DGKK: variants seen among roughly 807,000 people sequenced by gnomAD.
The protein encoded by DGKK is diacylglycerol kinase kappa.
Under a neutral mutation model 92.2 loss-of-function variants are expected in DGKK, and 35 were observed. The observed-to-expected ratio is 0.38, with a 90% CI of 0.29 to 0.50. The LOEUF is 0.50. Ranked by LOEUF, DGKK falls within the 20% of genes least tolerant of loss-of-function variation. The pLI is 0.92. For missense variants in DGKK, 910 were observed against 992.2 expected (o/e 0.92, Z 1.11); for synonymous variants, 368 against 360.6 (o/e 1.02, Z -0.23).
At chrX:50,391,706 T>G in intron 10 of DGKK, 130 bp from the exon 11 acceptor site, 1 of 747,338 alleles carries the variant, frequency 1.3e-6, no homozygotes, top group Non-Finnish European at 1.9e-6. Context: ...GACTTCAGAT[T>G]CTGGGGAAGG....
chrX:50,433,271 A>C (rs189922573), intron 1 of DGKK, among the ~76,000 whole-genome samples: 4 of 111,945 alleles, frequency 3.6e-5, no homozygotes, highest in Admixed American at 2.8e-4. Flanking sequence ...GTAATCTTAG[A>C]TCTCCCTGCC....
chrX:50,372,219 CTGTACA>C (rs1383930416), intron 25 of DGKK, among the ~76,000 whole-genome samples: 1 of 112,149 alleles, frequency 8.9e-6, no homozygotes, highest in Non-Finnish European at 1.9e-5. Flanking sequence ...ATGCCAAGCA[CTGTACA>C]TACATAATTT....
At chrX:50,417,981 T>C (rs1482296154) in intron 4 of DGKK, among the ~76,000 whole-genome samples, 2 of 111,585 alleles carry the variant, frequency 1.8e-5, no homozygotes, top group Admixed American at 1.9e-4. Flanking sequence ...CCTTTCACTG[T>C]ATTCCAAAAA....
intron 1 of DGKK, among the ~76,000 whole-genome samples, chrX:50,438,856 C>T (rs896785409): frequency 1.8e-5 from 2 of 111,603 alleles, no homozygotes; most frequent in Non-Finnish European, 3.8e-5. Context: ...CTATTAATAT[C>T]GCTTAGGTCT....
intron 12 of DGKK, 26 bp downstream of exon 12, chrX:50,390,302 C>A: frequency 8.4e-7 from 1 of 1,192,576 alleles, no homozygotes; most frequent in South Asian, 1.8e-5. Flanking sequence ...AGATATTGGT[C>A]TGAATTACAG....
intron 11 of DGKK, 66 bp downstream of exon 11, chrX:50,391,371 G>A: frequency 1.7e-6 from 2 of 1,166,780 alleles, no homozygotes; most frequent in East Asian, 3.0e-5. Flanking sequence ...AAGTATTCCT[G>A]ATTGAGATGA....
chrX:50,454,716 C>T (rs1926570029), intron 1 of DGKK, among the ~76,000 whole-genome samples: 1 of 111,292 alleles, frequency 9.0e-6, no homozygotes, highest in Non-Finnish European at 1.9e-5. Flanking sequence ...ATCTCAAGTC[C>T]ATCAGGAAGC....
Position 50,392,341 on chromosome X carries a change from C to T in DGKK, c.1704G>A (p.Lys568=), listed in dbSNP as rs782245494. 6 of 1,200,518 alleles carry T rather than the reference C, an allele frequency of 5.0e-6. No individual in the cohort carries two copies. Among genetic ancestry groups the T allele is most frequent in the Non-Finnish European group, 6.8e-6 (6 of 885,185 alleles). ...SLIDAFGLHE[K]CQLAVIPLGT... ...TAAACTGAGTCATCCAGGGACTTAC[C>T]TTTTCATGTAATCCAAAGGCATCAA... The change falls in exon 10 of 28, where the codon AAG becomes AAA. Residue 568 remains lysine, a splice_region_variant and synonymous_variant. Coordinates refer to ENST00000611977, the MANE Select transcript of DGKK (RefSeq NM_001013742.4).
At chrX:50,379,606 C>G in intron 20 of DGKK, 21 bp downstream of exon 20, 1 of 1,158,070 alleles carries the variant, frequency 8.6e-7, no homozygotes. Context: ...TCTTCCTCCC[C>G]ATTCCTTGTT....
rs1245640137 is a variant in DGKK, at chrX:50,382,529, T to C, written c.2624A>G (p.Asn875Ser). The change falls in exon 18 of 28, where the codon AAC (asparagine) becomes AGC (serine). Residue 875 changes from asparagine to serine, a missense_variant. Transcript: ENST00000611977. ...CCCTGGGTGTTCATCTCTTCTGGTG[T>C]TGAAGTCCAGAGAAATTTTAGCATC... ...GLDAKISLDFNTRRDEHPGQY... is the reference protein window; with the variant it reads ...GLDAKISLDFSTRRDEHPGQY... 8 of 1,208,791 alleles carry C rather than the reference T, an allele frequency of 6.6e-6. No individual in the cohort carries two copies. The highest frequency in any genetic ancestry group is 1.7e-5 in the African/African-American group (1 of 57,204).
Position 50,388,513 on chromosome X carries a change from A to T in DGKK, c.2018+14T>A. The T allele has an allele frequency of 8.4e-7, 1 of 1,190,378 alleles. No individual in the cohort carries two copies. ...GGAACAGCCCCAAAGGATGAGAGCC[A>T]AAGGAAGACTGACCTGGTTGCGATG... On this transcript the variant is annotated intron_variant, in intron 13 of 27. Coordinates refer to ENST00000611977, the MANE Select transcript of DGKK (RefSeq NM_001013742.4).
Position 50,371,726 on chromosome X carries a change from C to A in DGKK, c.3610G>T (p.Glu1204Ter). Residue 1204 changes from glutamate (E) to a stop codon, truncating the protein, a stop_gained and splice_region_variant, in exon 26 of 28, where the codon GAG (glutamate) becomes TAG (stop). Coordinates refer to ENST00000611977, the MANE Select transcript of DGKK (RefSeq NM_001013742.4). LOFTEE classifies it high-confidence loss of function. ...IDWMNPIFVP[E>*]EKSSDTDSRS... ...TCCCAATTCCCAAGATTACGCACCT[C>A]TGGAACAAAGATTGGATTCATCCAG... The A allele has an allele frequency of 8.4e-7, 1 of 1,190,079 alleles. No individual in the cohort carries two copies. Among genetic ancestry groups the A allele is most frequent in the South Asian group, 1.8e-5 (1 of 55,250 alleles).
intron 17 of DGKK, 60 bp from the exon 18 acceptor site, chrX:50,382,663 T>C: frequency 2.1e-6 from 2 of 953,485 alleles, no homozygotes; most frequent in Non-Finnish European, 2.9e-6. Context: ...CGCTATCAAT[T>C]GGGCATGAAG....
At chrX:50,416,870 C>T (rs1247147127) in intron 4 of DGKK, among the ~76,000 whole-genome samples, 1 of 110,304 alleles carries the variant, frequency 9.1e-6, no homozygotes, top group Non-Finnish European at 1.9e-5. Flanking sequence ...GTATTCCTGC[C>T]CCATAATCAC....
In DGKK at chrX:50,422,510, G is replaced by A. The variant is rs782591726; in HGVS notation, c.773C>T (p.Thr258Met). Residue 258 changes from threonine to methionine, a missense_variant, in exon 3 of 28, where the codon ACG becomes ATG. Physicochemically the swap from Thr to Met is moderately conservative, Grantham distance 81 (BLOSUM62 -1). Coordinates refer to ENST00000611977, the MANE Select transcript of DGKK (RefSeq NM_001013742.4). ...AHHPAFAHFETIDLSQATVAE... is the reference protein window; with the variant it reads ...AHHPAFAHFEMIDLSQATVAE... ...CACAGTGGCTTGAGACAGATCAATC[G>A]TTTCAAAGTGTGCAAACTGGAAAGA... The A allele has an allele frequency of 2.2e-5, 26 of 1,201,753 alleles. No individual in the cohort carries two copies. The highest frequency in any genetic ancestry group is 1.4e-4 in the South Asian group (8 of 55,542).
chrX:50,455,838 C>T (rs1926597005), intron 1 of DGKK, among the ~76,000 whole-genome samples: 1 of 112,030 alleles, frequency 8.9e-6, no homozygotes, highest in Non-Finnish European at 1.9e-5. Flanking sequence ...TTTCCCCTCC[C>T]CTTTTCCCTA....
chrX:50,429,546 G>A (rs1925830250), intron 1 of DGKK, among the ~76,000 whole-genome samples: 1 of 111,439 alleles, frequency 9.0e-6, no homozygotes, highest in East Asian at 2.9e-4. Context: ...AAAATTAGCC[G>A]GGCGTGGTGG....
At chrX:50,386,961 T>A (rs1272341767) in intron 14 of DGKK, among the ~76,000 whole-genome samples, 1 of 110,904 alleles carries the variant, frequency 9.0e-6, no homozygotes, top group Non-Finnish European at 1.9e-5. Flanking sequence ...TATGAACGTG[T>A]CCCTGCTTGG....
At chrX:50,462,882 CTT>C (rs548003185) in intron 1 of DGKK, among the ~76,000 whole-genome samples, 47 of 15,745 alleles carry the variant, frequency 3.0e-3, no homozygotes, top group East Asian at 0.012. Context: ...CCTTTCCTTG[CTT>C]TTTTTTTTTT....
Sources: gnomAD v4.1 joint callset for allele counts (sites outside exome capture counted in the v4.1 genomes callset) on GRCh38, gnomAD v4.1.1 for gene constraint, MANE v1.5 for transcripts, NCBI Gene and HGNC (gene_info 2026-07-23, HGNC 2026-07-21) for gene names.